The following MYO9B variants were observed in gnomAD, a reference collection of about 807,000 sequenced individuals.
MYO9B encodes the protein myosin IXB.
MYO9B carries 71 observed loss-of-function variants against 229.5 expected under a neutral mutation model. The observed-to-expected ratio is 0.31, with a 90% CI of 0.26 to 0.38. The LOEUF (loss-of-function observed/expected upper bound fraction) is 0.38. Among genes scored for constraint, MYO9B ranks in the 10% least tolerant of loss-of-function variants. The pLI is 1.00. For missense variants in MYO9B, 2,255 were observed against 2,920.5 expected (o/e 0.77, Z 5.25); for synonymous variants, 1,185 against 1,235.8 (o/e 0.96, Z 0.86).
chr19:17,077,891 T>C (rs543630326), intron 1 of MYO9B, among the ~76,000 whole-genome samples: 1 of 152,352 alleles, frequency 6.6e-6, no homozygotes, highest in East Asian at 1.9e-4. Context: ...GAAGGTGCTT[T>C]TGCACATTGC....
At chr19:17,157,127 A>T (rs560224416) in intron 7 of MYO9B, 89 bp downstream of exon 7, 3 of 1,465,854 alleles carry the variant, frequency 2.0e-6, no homozygotes, top group African/African-American at 2.8e-5. Context: ...AGAACTTCCT[A>T]CGTCAGCTGA....
At chr19:17,091,350 C>T (rs932278516) in intron 1 of MYO9B, among the ~76,000 whole-genome samples, 7 of 152,196 alleles carry the variant, frequency 4.6e-5, no homozygotes, top group South Asian at 2.1e-4. Flanking sequence ...CTCGGCCTCC[C>T]GAGTAGCTGG....
chr19:17,187,227 C>T (rs1313808162), intron 18 of MYO9B, among the ~76,000 whole-genome samples: 2 of 152,210 alleles, frequency 1.3e-5, no homozygotes, highest in African/African-American at 4.8e-5. Flanking sequence ...CCCAGCTGTT[C>T]TCTGCCTGTT....
Position 17,193,074 on chromosome 19 carries a change from C to T in MYO9B, c.3128+12C>T, listed in dbSNP as rs561596973. The T allele has an allele frequency of 7.0e-6, 10 of 1,434,586 alleles. No homozygotes were observed. The highest frequency in any genetic ancestry group is 1.8e-4 in the Middle Eastern group (1 of 5,508). 88.9% of individuals were successfully genotyped at this position (1,434,586 alleles called of 1,614,324 possible). ...CTGCAGCGCAAGAGGTGAGCAGAGCCGGGCCACGCTCCTCGGAATATTCCA... is the reference window on the plus strand; with the variant it reads ...CTGCAGCGCAAGAGGTGAGCAGAGCTGGGCCACGCTCCTCGGAATATTCCA... On this transcript the variant is annotated intron_variant, in intron 21 of 39. Coordinates refer to ENST00000682292, the MANE Select transcript of MYO9B (RefSeq NM_004145.4). The surrounding 1 kb of genome is among the most constrained non-coding windows in gnomAD (Gnocchi z 4.3).
chr19:17,162,520 C>A, intron 9 of MYO9B, 54 bp downstream of exon 9: 2 of 1,437,068 alleles, frequency 1.4e-6, no homozygotes, highest in Admixed American at 4.0e-5. Context: ...CACATCCTCA[C>A]TACCAATATC....
intron 3 of MYO9B, among the ~76,000 whole-genome samples, chr19:17,150,484 C>T (rs1160207769): frequency 2.6e-5 from 4 of 152,112 alleles, no homozygotes; most frequent in Non-Finnish European, 5.9e-5. Flanking sequence ...CGTGCTGTCC[C>T]CTGGCCCTGC....
intron 1 of MYO9B, among the ~76,000 whole-genome samples, chr19:17,076,868 G>C (rs544029743): frequency 6.6e-6 from 1 of 152,252 alleles, no homozygotes; most frequent in African/African-American, 2.4e-5. Context: ...GACTTAAATG[G>C]GTAAAACGAC....
intron 11 of MYO9B, among the ~76,000 whole-genome samples, chr19:17,169,810 T>C (rs1301517662): frequency 1.5e-5 from 2 of 136,730 alleles, no homozygotes; most frequent in Admixed American, 7.3e-5. Flanking sequence ...TCCTTTTTTT[T>C]TTTTTTTTTT....
intron 2 of MYO9B, among the ~76,000 whole-genome samples, chr19:17,141,124 T>C (rs1231560570): frequency 6.7e-6 from 1 of 148,264 alleles, no homozygotes; most frequent in Non-Finnish European, 1.5e-5. Context: ...AAAAAAATTG[T>C]GTGAGGGACA....
At chr19:17,188,557 A>G (rs552489844) in intron 19 of MYO9B, among the ~76,000 whole-genome samples, 2 of 152,098 alleles carry the variant, frequency 1.3e-5, no homozygotes, top group East Asian at 1.9e-4. Flanking sequence ...TCATAGCCCC[A>G]GGGACTAGAA....
At chr19:17,171,721 G>T (rs1034206111) in intron 11 of MYO9B, among the ~76,000 whole-genome samples, 1 of 152,216 alleles carries the variant, frequency 6.6e-6, no homozygotes, top group Non-Finnish European at 1.5e-5. Flanking sequence ...GGAGGCTGAG[G>T]CAGGAGGATC....
At chr19:17,096,706 G>GGT (rs1555800869) in intron 1 of MYO9B, among the ~76,000 whole-genome samples, 165 of 21,384 alleles carry the variant, frequency 7.7e-3, no homozygotes, top group Non-Finnish European at 0.012. Flanking sequence ...GTTGTTGTTG[G>GGT]TTTTTTTTTT....
At chr19:17,089,178 A>G (rs1213503059) in intron 1 of MYO9B, among the ~76,000 whole-genome samples, 1 of 150,974 alleles carries the variant, frequency 6.6e-6, no homozygotes. Context: ...TCGTCCTCCC[A>G]CTCTGAGCCA....
At chr19:17,102,726 TCTTTTCTC>T (rs2057757233) in intron 2 of MYO9B, among the ~76,000 whole-genome samples, 169 bp downstream of exon 2, 1 of 149,936 alleles carries the variant, frequency 6.7e-6, no homozygotes, top group Non-Finnish European at 1.5e-5. Flanking sequence ...CATAGCAAGA[TCTTTTCTC>T]TACAAAAAAA....
chr19:17,181,094 TCCTGCGACCCCGGCGGGG>T, intron 15 of MYO9B, 54 bp downstream of exon 15: 1 of 1,303,536 alleles, frequency 7.7e-7, no homozygotes, highest in East Asian at 2.4e-5. Context: ...CTCCCACTAC[TCCTGCGACCCCGGCGGGG>T]CCTGCAGTCT....
intron 1 of MYO9B, among the ~76,000 whole-genome samples, chr19:17,099,952 T>C (rs1181116889): frequency 6.7e-6 from 1 of 150,024 alleles, no homozygotes; most frequent in Non-Finnish European, 1.5e-5. Flanking sequence ...ACCCTGTCTA[T>C]GCTAAAAATA....
chr19:17,172,753 C>G lies in MYO9B; in HGVS notation c.1936-6C>G, dbSNP rs948197768. ...CGAGTGACCGCCCACATCCATCCCC[C>G]ACCAGGACTTCCGGGAGAAGAACAT... On this transcript the variant is annotated splice_polypyrimidine_tract_variant and splice_region_variant and intron_variant, in intron 12 of 39. Transcript: ENST00000682292. This position sits in a 1 kb window ranked among gnomAD's most constrained non-coding sequence, Gnocchi z 8.2. The G allele has an allele frequency of 2.5e-6, 4 of 1,613,394 alleles. No homozygotes were observed. The highest frequency in any genetic ancestry group is 2.5e-6 in the Non-Finnish European group (3 of 1,179,626).
At chr19:17,116,767 A>G (rs886186104) in intron 2 of MYO9B, among the ~76,000 whole-genome samples, 19 of 152,096 alleles carry the variant, frequency 1.2e-4, no homozygotes, top group Non-Finnish European at 2.5e-4. Flanking sequence ...TTTGGTGGGT[A>G]TGGAGAGGAT....
At chr19:17,137,304 C>T (rs1047006773) in intron 2 of MYO9B, among the ~76,000 whole-genome samples, 2 of 151,422 alleles carry the variant, frequency 1.3e-5, no homozygotes, top group South Asian at 2.1e-4. Flanking sequence ...ATGGGAGGAT[C>T]GCCTGAGCCT....
Sources: allele counts gnomAD v4.1 joint callset (sites outside exome capture counted in the v4.1 genomes callset), GRCh38; gene constraint gnomAD v4.1.1; non-coding constraint Gnocchi (gnomAD v3.1); transcripts MANE v1.5; gene names NCBI Gene and HGNC (gene_info 2026-07-23, HGNC 2026-07-21).